The following TMCC3 variants were observed in gnomAD, a reference collection of about 807,000 sequenced individuals.
TMCC3 encodes the protein transmembrane and coiled-coil domain protein 3.
Under a neutral mutation model 40.2 loss-of-function variants are expected in TMCC3, and 28 were observed. The observed-to-expected ratio is 0.70, with a 90% CI of 0.52 to 0.95. The LOEUF (loss-of-function observed/expected upper bound fraction) is 0.95. TMCC3 is among the 40% of genes least tolerant of loss of function. TMCC3 has a pLI of 0.00. For synonymous variants in TMCC3, 255 were observed against 248.5 expected (o/e 1.03, Z -0.25); for missense variants, 554 against 615.2 (o/e 0.90, Z 1.05).
intron 1 of TMCC3, among the ~76,000 whole-genome samples, chr12:94,605,880 G>A (rs756238695): frequency 8.6e-5 from 13 of 152,034 alleles, no homozygotes; most frequent in East Asian, 1.9e-4. Context: ...CCATACTTAC[G>A]GAAGACATCC....
Position 94,571,296 on chromosome 12 carries a change from T to C in TMCC3, c.*139A>G. ...GCAACTGCTACGGAGTTAAGAGAATTGTAGTTATTTACACCACACAGTCCT... is the reference window on the plus strand; with the variant it reads ...GCAACTGCTACGGAGTTAAGAGAATCGTAGTTATTTACACCACACAGTCCT... On this transcript the variant is annotated 3_prime_UTR_variant, in exon 4 of 4. Coordinates refer to ENST00000261226, the MANE Select transcript of TMCC3 (RefSeq NM_020698.4). 1.2e-6 allele frequency: 1 copy of C among 842,628 alleles called. No individual in the cohort carries two copies. Among genetic ancestry groups the C allele is most frequent in the Non-Finnish European group, 1.8e-6 (1 of 550,568 alleles). The allele number at this position is 842,628 out of a possible 1,614,324, so 52.2% of individuals were successfully genotyped here.
At chr12:94,597,679 G>A (rs2068726955) in intron 1 of TMCC3, among the ~76,000 whole-genome samples, 1 of 151,990 alleles carries the variant, frequency 6.6e-6, no homozygotes, top group Non-Finnish European at 1.5e-5. Context: ...GGTGGTGCAT[G>A]TCTATAATCC....
intron 1 of TMCC3, among the ~76,000 whole-genome samples, chr12:94,590,549 G>C (rs1305548571): frequency 6.6e-6 from 1 of 152,176 alleles, no homozygotes; most frequent in Non-Finnish European, 1.5e-5. Context: ...TAAGGGCCTA[G>C]CAAGTGAGGC....
chr12:94,644,695 T>G (rs1361910983), intron 1 of TMCC3, among the ~76,000 whole-genome samples: 6 of 152,310 alleles, frequency 3.9e-5, no homozygotes, highest in Non-Finnish European at 8.8e-5. Flanking sequence ...GAAAACGATA[T>G]CTGTGTACTA....
intron 1 of TMCC3, among the ~76,000 whole-genome samples, chr12:94,628,641 G>A (rs1177642768): frequency 6.6e-6 from 1 of 152,224 alleles, no homozygotes; most frequent in Non-Finnish European, 1.5e-5. Context: ...CAGTGCAACA[G>A]CGAGATGGAC....
chr12:94,582,620 T>A, intron 1 of TMCC3, 82 bp from the exon 2 acceptor site: 1 of 1,269,002 alleles, frequency 7.9e-7, no homozygotes, highest in South Asian at 1.4e-5. Context: ...ACATACAAGA[T>A]ACATACATGA....
At chr12:94,604,182 C>T (rs2068769032) in intron 1 of TMCC3, among the ~76,000 whole-genome samples, 1 of 152,094 alleles carries the variant, frequency 6.6e-6, no homozygotes, top group Admixed American at 6.5e-5. Context: ...ATCCTAATAC[C>T]ATGTTGATCC....
chr12:94,635,646 G>A (rs1036222097), intron 1 of TMCC3, among the ~76,000 whole-genome samples: 1 of 143,292 alleles, frequency 7.0e-6, no homozygotes, highest in Non-Finnish European at 1.5e-5. Context: ...GCCTGTTTTT[G>A]TGTGTGTATG....
chr12:94,589,301 C>A (rs1377064197), intron 1 of TMCC3, among the ~76,000 whole-genome samples: 2 of 152,112 alleles, frequency 1.3e-5, no homozygotes, highest in African/African-American at 4.8e-5. Flanking sequence ...GCTTTGCCAT[C>A]GTATTAATGT....
In TMCC3 at chr12:94,603,692, G is replaced by A. The variant is rs568271427; in HGVS notation, c.79-21154C>T. ...CTGGGGTGCTAACAACATTGATCCA[G>A]GTGGCAGTCACTCAGGACATACACA... On this transcript the variant is annotated intron_variant, in intron 1 of 3. Transcript: ENST00000261226. Among the ~76,000 whole-genome samples, 6 of 152,242 alleles carry A rather than the reference G, an allele frequency of 3.9e-5. No homozygotes were observed. The South Asian group carries it at 8.3e-4, about 21-fold the overall frequency.
intron 1 of TMCC3, among the ~76,000 whole-genome samples, chr12:94,600,241 T>G (rs2651955): frequency 1.1e-4 from 10 of 88,380 alleles, no homozygotes; most frequent in African/African-American, 9.4e-4. Context: ...CAAATTCTGG[T>G]TTTTTTTTTT....
At chr12:94,581,519 G>A (rs929950641) in intron 2 of TMCC3, 103 bp downstream of exon 2, 48 of 748,944 alleles carry the variant, frequency 6.4e-5, no homozygotes, top group Admixed American at 2.2e-4. Flanking sequence ...CTAAGTATCC[G>A]TGGTAATAAA....
At chr12:94,590,092 T>A (rs1425710240) in intron 1 of TMCC3, among the ~76,000 whole-genome samples, 2 of 130,194 alleles carry the variant, frequency 1.5e-5, no homozygotes, top group African/African-American at 5.7e-5. Context: ...TGATATAGTC[T>A]ATAAAATCTA....
Position 94,571,604 on chromosome 12 carries a change from A to G in TMCC3, c.1265T>C (p.Met422Thr). The change falls in exon 4 of 4, where the codon ATG (methionine) becomes ACG (threonine). Residue 422 changes from methionine to threonine, a missense_variant. Physicochemically the swap from Met to Thr is moderately conservative, Grantham distance 81. Transcript: ENST00000261226. The stretch of plus-strand genomic sequence containing the variant: ...GGACACACACACTAAGATGACAGTC[A>G]TGAAGGCCAGGATCACGTTGATGCA... ...GRCINVILAFMTVILVCVSTI... is the reference protein window; with the variant it reads ...GRCINVILAFTTVILVCVSTI... 6.2e-7 allele frequency: 1 copy of G among 1,614,190 alleles called. No individual in the cohort carries two copies. Among genetic ancestry groups the G allele is most frequent in the Non-Finnish European group, 8.5e-7 (1 of 1,180,034 alleles).
At chr12:94,630,729 T>G (rs1176231743) in intron 1 of TMCC3, among the ~76,000 whole-genome samples, 1 of 152,112 alleles carries the variant, frequency 6.6e-6, no homozygotes. Flanking sequence ...TGTTTTTGTT[T>G]TGTTTTGTTT....
intron 1 of TMCC3, among the ~76,000 whole-genome samples, chr12:94,588,170 T>G (rs2068649107): frequency 6.6e-6 from 1 of 152,140 alleles, no homozygotes; most frequent in Non-Finnish European, 1.5e-5. Context: ...TCACCACCAG[T>G]GCGGCTTGGA....
intron 1 of TMCC3, among the ~76,000 whole-genome samples, chr12:94,649,233 G>A (rs2069038330): frequency 6.6e-6 from 1 of 152,172 alleles, no homozygotes; most frequent in Admixed American, 6.5e-5. Context: ...CTTCACTTCT[G>A]GGGCAATCGA....
At chr12:94,579,437 G>A (rs1434428738) in intron 2 of TMCC3, among the ~76,000 whole-genome samples, 8 of 152,210 alleles carry the variant, frequency 5.3e-5, no homozygotes, top group Admixed American at 5.2e-4. Flanking sequence ...AACCCAGAAG[G>A]TGGAGGCTGC....
intron 1 of TMCC3, among the ~76,000 whole-genome samples, chr12:94,636,213 G>A (rs917807647): frequency 6.6e-6 from 1 of 152,104 alleles, no homozygotes; most frequent in African/African-American, 2.4e-5. Context: ...AAAAGGAATT[G>A]AATAATTCTA....
Sources: gnomAD v4.1 joint callset for allele counts (sites outside exome capture counted in the v4.1 genomes callset) on GRCh38, gnomAD v4.1.1 for gene constraint, MANE v1.5 for transcripts, NCBI Gene and HGNC (gene_info 2026-07-23, HGNC 2026-07-21) for gene names.